Variants in CSNK1G2 observed in about 807,000 individuals in gnomAD.
The protein encoded by CSNK1G2 is casein kinase 1 gamma 2.
CSNK1G2 carries 11 observed loss-of-function variants against 48.0 expected under a neutral mutation model. That is an observed-to-expected ratio of 0.23 (90% CI 0.14 to 0.38). The LOEUF (loss-of-function observed/expected upper bound fraction) is 0.38. CSNK1G2 is among the 10% of genes least tolerant of loss of function. CSNK1G2 has a pLI of 1.00. For synonymous variants in CSNK1G2, 337 were observed against 254.1 expected (o/e 1.33, Z -3.10); for missense variants, 446 against 595.5 (o/e 0.75, Z 2.61).
intron 2 of CSNK1G2, among the ~76,000 whole-genome samples, chr19:1,972,313 G>A (rs1325538858): frequency 6.6e-6 from 1 of 152,174 alleles, no homozygotes; most frequent in Non-Finnish European, 1.5e-5. Context: ...TGGGCTCCTC[G>A]AGCACTCCAC....
At chr19:1,975,468 G>C (rs549451530) in intron 2 of CSNK1G2, 1 of 985,460 alleles carries the variant, frequency 1.0e-6, no homozygotes, top group African/African-American at 1.7e-5. Flanking sequence ...AGACGGGAGG[G>C]CGTGCCTCAA....
chr19:1,942,283 G>C (rs977283742), intron 1 of CSNK1G2, among the ~76,000 whole-genome samples: 11 of 152,248 alleles, frequency 7.2e-5, no homozygotes, highest in Admixed American at 2.0e-4. Flanking sequence ...ACTTTCTTAG[G>C]GGAAGACTTT....
chr19:1,948,346 A>G (rs2014640541), intron 1 of CSNK1G2, among the ~76,000 whole-genome samples: 1 of 151,610 alleles, frequency 6.6e-6, no homozygotes, highest in Admixed American at 6.6e-5. Context: ...ACACAGTGAA[A>G]CCCCGTCTCT....
At chr19:1,975,459 G>C (rs1318596489) in intron 2 of CSNK1G2, 1 of 985,496 alleles carries the variant, frequency 1.0e-6, no homozygotes, top group African/African-American at 1.7e-5. Flanking sequence ...CAGAACTGGA[G>C]ACGGGAGGGC....
intron 2 of CSNK1G2, among the ~76,000 whole-genome samples, chr19:1,976,895 A>G (rs912137318): frequency 6.6e-6 from 1 of 152,042 alleles, no homozygotes; most frequent in Non-Finnish European, 1.5e-5. Flanking sequence ...ATGCATCACC[A>G]TGCCAGGCTA....
intron 2 of CSNK1G2, among the ~76,000 whole-genome samples, chr19:1,971,504 G>A (rs1168447263): frequency 6.6e-6 from 1 of 152,260 alleles, no homozygotes; most frequent in Non-Finnish European, 1.5e-5. Context: ...GACACATGCA[G>A]ACATGTACAC....
chr19:1,942,212 T>C (rs2014393804), intron 1 of CSNK1G2, among the ~76,000 whole-genome samples: 1 of 152,154 alleles, frequency 6.6e-6, no homozygotes, highest in Non-Finnish European at 1.5e-5. Flanking sequence ...GGGTGAGATG[T>C]CTGAGCAGGG....
intron 1 of CSNK1G2, among the ~76,000 whole-genome samples, chr19:1,946,314 T>G (rs934549424): frequency 2.0e-5 from 3 of 151,308 alleles, no homozygotes; most frequent in African/African-American, 7.3e-5. Flanking sequence ...TTTTTTAAGA[T>G]GGAGTCTTGC....
At position 1,980,144 on chromosome 19, in the gene CSNK1G2, C is replaced by T. The variant is rs2015932548; in HGVS notation, c.1194-5C>T. The T allele has an allele frequency of 1.9e-6, 3 of 1,612,828 alleles. No individual in the cohort carries two copies. The highest frequency in any genetic ancestry group is 1.3e-5 in the African/African-American group (1 of 74,922). On this transcript the variant is annotated splice_region_variant and splice_polypyrimidine_tract_variant and intron_variant, in intron 11 of 11. Transcript: ENST00000255641. ...TCCTCCTACCTGAGCCACTGCCCTCCTCAGATGCTGCTGTTTCTTCAAGAG... is the reference window on the plus strand; with the variant it reads ...TCCTCCTACCTGAGCCACTGCCCTCTTCAGATGCTGCTGTTTCTTCAAGAG...
At chr19:1,964,851 G>A (rs1398398940) in intron 1 of CSNK1G2, among the ~76,000 whole-genome samples, 8 of 150,930 alleles carry the variant, frequency 5.3e-5, no homozygotes, top group African/African-American at 7.3e-5. Context: ...TCAGCTTCCC[G>A]AGTAGCTGGG....
intron 1 of CSNK1G2, chr19:1,954,403 GCGGCC>G (rs1292201678): frequency 5.5e-6 from 1 of 183,444 alleles, no homozygotes; most frequent in Non-Finnish European, 1.2e-5. Flanking sequence ...GCCAGCCCCT[GCGGCC>G]CCAGGTCAGA....
At chr19:1,946,266 G>GA (rs2014553291) in intron 1 of CSNK1G2, among the ~76,000 whole-genome samples, 1 of 147,688 alleles carries the variant, frequency 6.8e-6, no homozygotes, top group Non-Finnish European at 1.5e-5. Context: ...CTATTTATTC[G>GA]TTTATTTATT....
intron 1 of CSNK1G2, among the ~76,000 whole-genome samples, chr19:1,943,824 G>A (rs781571278): frequency 2.2e-4 from 34 of 152,222 alleles, no homozygotes; most frequent in African/African-American, 7.2e-4. Context: ...ACCCCCCACC[G>A]AGCTGCCCCA....
intron 1 of CSNK1G2, among the ~76,000 whole-genome samples, chr19:1,964,867 A>G (rs1323422250): frequency 6.6e-6 from 1 of 151,420 alleles, no homozygotes; most frequent in Non-Finnish European, 1.5e-5. Flanking sequence ...CTGGGACTAC[A>G]GGAGCCCACG....
chr19:1,957,103 T>C lies in CSNK1G2; in HGVS notation c.-265-12405T>C, dbSNP rs911921443. On this transcript the variant is annotated intron_variant, in intron 1 of 11. Coordinates refer to ENST00000255641, the MANE Select transcript of CSNK1G2 (RefSeq NM_001319.7). The surrounding 1 kb of genome is among the most constrained non-coding windows in gnomAD (Gnocchi z 5.4). ...GCCACCCGGAGATTGGTGGGCGGGATTGGGCCTCTGGGGTCCCCGGCTGTG... is the reference window on the plus strand; with the variant it reads ...GCCACCCGGAGATTGGTGGGCGGGACTGGGCCTCTGGGGTCCCCGGCTGTG... Among the ~76,000 whole-genome samples the C allele has an allele frequency of 3.3e-5, 5 of 152,132 alleles. No homozygotes were observed. Among genetic ancestry groups the C allele is most frequent in the Non-Finnish European group, 7.4e-5 (5 of 68,022 alleles).
intron 1 of CSNK1G2, among the ~76,000 whole-genome samples, chr19:1,944,351 A>T (rs942691072): frequency 3.3e-5 from 5 of 151,860 alleles, no homozygotes; most frequent in African/African-American, 1.2e-4. Context: ...CTTCTTCCTC[A>T]TTCTGGAGTT....
intron 1 of CSNK1G2, among the ~76,000 whole-genome samples, chr19:1,942,063 T>G (rs1555677697): frequency 6.6e-6 from 1 of 150,814 alleles, no homozygotes; most frequent in South Asian, 2.1e-4. Flanking sequence ...CAGGGGGTGG[T>G]GGGGGGGAGG....
Position 1,979,347 on chromosome 19 carries a change from A to G in CSNK1G2, c.797A>G (p.Lys266Arg), listed in dbSNP as rs1269619138. 6.2e-7 allele frequency: 1 copy of G among 1,606,152 alleles called. No individual in the cohort carries two copies. Among genetic ancestry groups the G allele is most frequent in the Non-Finnish European group, 8.5e-7 (1 of 1,177,382 alleles). Residue 266 changes from lysine to arginine, a missense_variant, in exon 8 of 12, where the codon AAG (lysine) becomes AGG (arginine). This residue lies in a region of CSNK1G2 where 258 missense variants were observed against 415.9 expected (regional missense o/e 0.62). Coordinates refer to ENST00000255641, the MANE Select transcript of CSNK1G2 (RefSeq NM_001319.7). ...KADTLKERYQ[K>R]IGDTKRATPI... ...GACACGCTCAAGGAGCGGTACCAGA[A>G]GATCGGGGACACCAAACGCGCCACG...
intron 1 of CSNK1G2, among the ~76,000 whole-genome samples, chr19:1,964,457 C>G (rs527760635): frequency 3.3e-5 from 5 of 152,266 alleles, no homozygotes; most frequent in African/African-American, 1.2e-4. Flanking sequence ...GGACTTTCCT[C>G]GTGTGGAAGA....
Sources: allele counts gnomAD v4.1 joint callset (sites outside exome capture counted in the v4.1 genomes callset), GRCh38; gene constraint gnomAD v4.1.1; regional missense constraint gnomAD v4.1.1; non-coding constraint Gnocchi (gnomAD v3.1); transcripts MANE v1.5; gene names NCBI Gene and HGNC (gene_info 2026-07-23, HGNC 2026-07-21).